Variants in SRBD1 observed in about 807,000 individuals in gnomAD.
The protein encoded by SRBD1 is S1 RNA binding domain 1.
In SRBD1, 88 loss-of-function variants were observed where a neutral mutation model predicts 115.3. The ratio of observed to expected loss-of-function variants is 0.76; its 90% CI spans 0.64 to 0.91. SRBD1 has a LOEUF of 0.91. Ranked by LOEUF, SRBD1 falls within the 40% of genes least tolerant of loss-of-function variation. The pLI, the probability that SRBD1 is intolerant of heterozygous loss-of-function variation, is 0.00. For synonymous variants in SRBD1, 509 were observed against 407.7 expected (o/e 1.25, Z -2.99); for missense variants, 1,385 against 1,177.4 (o/e 1.18, Z -2.58).
intron 3 of SRBD1, among the ~76,000 whole-genome samples, chr2:45,601,442 A>G (rs554704725): frequency 7.2e-5 from 11 of 152,256 alleles, no homozygotes; most frequent in Non-Finnish European, 1.3e-4. Flanking sequence ...CAAGAGAGAT[A>G]TATCTGTTCC....
rs755429631 is a variant in SRBD1, at chr2:45,413,297, T to C, written c.2334-4A>G. On this transcript the variant is annotated splice_region_variant and splice_polypyrimidine_tract_variant and intron_variant, in intron 18 of 20. Transcript: ENST00000263736. ...GCCTGAAGTTTCAGTTTGCTGACTA[T>C]ATAAAACCAGAAAAAACCACATTTA... The C allele has an allele frequency of 6.9e-6, 11 of 1,600,038 alleles. No homozygotes were observed. The highest frequency in any genetic ancestry group is 4.1e-5 in the African/African-American group (3 of 73,972).
chr2:45,563,027 T>C (rs1260741060), intron 9 of SRBD1, among the ~76,000 whole-genome samples: 1 of 152,222 alleles, frequency 6.6e-6, no homozygotes, highest in African/African-American at 2.4e-5. Context: ...TCATTTCAGA[T>C]TCTACTAATT....
At chr2:45,605,315 A>C in intron 2 of SRBD1, 47 bp downstream of exon 2, 1 of 1,563,480 alleles carries the variant, frequency 6.4e-7, no homozygotes, top group Non-Finnish European at 8.7e-7. Flanking sequence ...ACTCCTTATT[A>C]AAATATTCAT....
intron 18 of SRBD1, among the ~76,000 whole-genome samples, chr2:45,414,684 A>G (rs1050358211): frequency 2.7e-5 from 4 of 148,830 alleles, no homozygotes; most frequent in African/African-American, 1.0e-4. Context: ...TAGTATGTAT[A>G]TACACACACA....
At chr2:45,550,088 A>G (rs1362756872) in intron 12 of SRBD1, among the ~76,000 whole-genome samples, 4 of 152,144 alleles carry the variant, frequency 2.6e-5, no homozygotes, top group Admixed American at 2.0e-4. Context: ...CTATAACCCT[A>G]TTTTTCAAAG....
intron 14 of SRBD1, among the ~76,000 whole-genome samples, chr2:45,516,795 C>A (rs1671132729): frequency 6.6e-6 from 1 of 152,162 alleles, no homozygotes; most frequent in African/African-American, 2.4e-5. Flanking sequence ...TAACATGGTT[C>A]TGCAGGAAAG....
At chr2:45,438,763 T>C (rs1668575153) in intron 16 of SRBD1, among the ~76,000 whole-genome samples, 1 of 152,078 alleles carries the variant, frequency 6.6e-6, no homozygotes, top group South Asian at 2.1e-4. Flanking sequence ...TGCACAACTA[T>C]ATGTAACTGG....
intron 16 of SRBD1, among the ~76,000 whole-genome samples, chr2:45,453,680 G>A (rs940598025): frequency 4.6e-5 from 7 of 151,892 alleles, no homozygotes; most frequent in Non-Finnish European, 7.4e-5. Flanking sequence ...AAATGTGGTA[G>A]TGATGTTTAT....
chr2:45,567,344 T>A (rs1672861557), intron 9 of SRBD1, among the ~76,000 whole-genome samples: 1 of 152,138 alleles, frequency 6.6e-6, no homozygotes, highest in African/African-American at 2.4e-5. Flanking sequence ...GTATGGGGGC[T>A]CATGCTCATA....
At chr2:45,443,264 GAA>G (rs1190722991) in intron 16 of SRBD1, among the ~76,000 whole-genome samples, 2 of 152,144 alleles carry the variant, frequency 1.3e-5, no homozygotes, top group African/African-American at 2.4e-5. Context: ...GTAGCTGGAG[GAA>G]AAAGAGGGAA....
At chr2:45,488,417 G>GAAAA in intron 14 of SRBD1, 86 bp from the exon 15 acceptor site, 12 of 835,026 alleles carry the variant, frequency 1.4e-5, no homozygotes, top group Non-Finnish European at 2.0e-5. Flanking sequence ...GGCATTACCA[G>GAAAA]AAAAAAAAAA....
chr2:45,400,827 A>G (rs2343476), intron 19 of SRBD1, among the ~76,000 whole-genome samples: 8 of 139,336 alleles, frequency 5.7e-5, no homozygotes, highest in South Asian at 5.2e-4. Context: ...AGAGAGGTTA[A>G]ATAACATTCC....
chr2:45,488,459 A>C, intron 14 of SRBD1, 128 bp from the exon 15 acceptor site: 2 of 632,024 alleles, frequency 3.2e-6, no homozygotes, highest in Non-Finnish European at 5.5e-6. Flanking sequence ...TTCATATCTC[A>C]ATGATACTGA....
chr2:45,585,908 G>T, intron 4 of SRBD1, 134 bp from the exon 5 acceptor site: 1 of 660,310 alleles, frequency 1.5e-6, no homozygotes, highest in Non-Finnish European at 2.3e-6. Flanking sequence ...TTAAAAAAAA[G>T]AAAGCCATAT....
intron 14 of SRBD1, among the ~76,000 whole-genome samples, chr2:45,516,739 T>TA (rs1046821954): frequency 1.3e-5 from 2 of 152,166 alleles, no homozygotes; most frequent in African/African-American, 4.8e-5. Flanking sequence ...TATTGCTTTT[T>TA]AAAAAAAGCT....
At chr2:45,434,667 C>T (rs992777308) in intron 16 of SRBD1, among the ~76,000 whole-genome samples, 1 of 152,078 alleles carries the variant, frequency 6.6e-6, no homozygotes, top group Non-Finnish European at 1.5e-5. Context: ...TGTCAAGGGT[C>T]TCCAGTTGAC....
intron 15 of SRBD1, among the ~76,000 whole-genome samples, chr2:45,486,446 G>A (rs1284624318): frequency 6.6e-6 from 1 of 152,152 alleles, no homozygotes; most frequent in African/African-American, 2.4e-5. Flanking sequence ...AGTGGGGATA[G>A]GCTGGGTGCG....
chr2:45,396,117 A>G (rs1268493066), intron 19 of SRBD1, among the ~76,000 whole-genome samples: 5 of 152,138 alleles, frequency 3.3e-5, no homozygotes, highest in Non-Finnish European at 4.4e-5. Flanking sequence ...GGTAGGTATC[A>G]TATCATACAG....
At chr2:45,548,949 TG>T (rs1672206240) in intron 12 of SRBD1, 1 of 152,176 alleles carries the variant, frequency 6.6e-6, no homozygotes, top group African/African-American at 2.4e-5. Context: ...GAATATATGA[TG>T]GAACTGAGAA....
Sources: allele counts gnomAD v4.1 joint callset (sites outside exome capture counted in the v4.1 genomes callset), GRCh38; gene constraint gnomAD v4.1.1; transcripts MANE v1.5; gene names NCBI Gene and HGNC (gene_info 2026-07-23, HGNC 2026-07-21).